Variants in MAL2 observed in about 807,000 individuals in gnomAD.
MAL2 encodes the protein protein MAL2.
MAL2 carries 17 observed loss-of-function variants against 18.1 expected under a neutral mutation model. The ratio of observed to expected loss-of-function variants is 0.94; its 90% CI spans 0.64 to 1.41. The LOEUF (loss-of-function observed/expected upper bound fraction) is 1.41, where lower values mean the gene tolerates loss of function less well. Ranked by LOEUF, MAL2 falls within the 40% of genes most tolerant of loss-of-function variation. The pLI, the probability that MAL2 is intolerant of heterozygous loss-of-function variation, is 0.00. For synonymous variants in MAL2, 102 were observed against 102.3 expected (o/e 1.00, Z 0.02); for missense variants, 222 against 231.9 (o/e 0.96, Z 0.28).
intron 2 of MAL2, among the ~76,000 whole-genome samples, chr8:119,233,670 T>A (rs1006977790): frequency 6.6e-6 from 1 of 152,086 alleles, no homozygotes; most frequent in African/African-American, 2.4e-5. Context: ...GCTCTGAAAT[T>A]GTGGCAATAA....
chr8:119,219,002 T>C (rs901917473), intron 1 of MAL2, among the ~76,000 whole-genome samples: 1 of 152,176 alleles, frequency 6.6e-6, no homozygotes, highest in African/African-American at 2.4e-5. Context: ...AAAGGAAAGA[T>C]TGATCCACTG....
At chr8:119,209,408 T>C (rs1237805725) in intron 1 of MAL2, among the ~76,000 whole-genome samples, 1 of 152,200 alleles carries the variant, frequency 6.6e-6, no homozygotes, top group Non-Finnish European at 1.5e-5. Flanking sequence ...GCAGCCTTTT[T>C]AGGTAGCACT....
rs954098572 is a variant in MAL2, at chr8:119,245,365, T to C, written c.*1877T>C. The C allele has an allele frequency of 2.0e-5, 3 of 152,588 alleles. No homozygotes were observed. Among genetic ancestry groups the C allele is most frequent in the East Asian group, 1.9e-4 (1 of 5,182 alleles). 9.5% of individuals were successfully genotyped at this position (152,588 alleles called of 1,614,324 possible). ...TTGTTTCCCAGGTATAGCAGGCTTA[T>C]GTTTGGTGGCATTAAATTGGTTTCT... On this transcript the variant is annotated 3_prime_UTR_variant, in exon 4 of 4. Coordinates refer to ENST00000614891, the MANE Select transcript of MAL2 (RefSeq NM_052886.3).
intron 3 of MAL2, among the ~76,000 whole-genome samples, chr8:119,241,461 AGT>A (rs1818046846): frequency 7.4e-6 from 1 of 136,014 alleles, no homozygotes; most frequent in South Asian, 2.3e-4. Flanking sequence ...TGAGCAGAGC[AGT>A]CTGAGCGACA....
chr8:119,243,291 A>G, intron 3 of MAL2, 126 bp from the exon 4 acceptor site: 2 of 567,224 alleles, frequency 3.5e-6, no homozygotes, highest in Non-Finnish European at 2.9e-6. Flanking sequence ...AATGTAAAAT[A>G]TTTTTGTAAG....
intron 2 of MAL2, among the ~76,000 whole-genome samples, chr8:119,224,515 A>G (rs868102762): frequency 6.6e-6 from 1 of 152,194 alleles, no homozygotes; most frequent in Non-Finnish European, 1.5e-5. Context: ...CCTATTATGG[A>G]CATCACTTAA....
intron 1 of MAL2, chr8:119,215,619 G>A (rs1209346572): frequency 2.0e-5 from 3 of 152,238 alleles, no homozygotes; most frequent in African/African-American, 7.2e-5. Flanking sequence ...CCTGGCCAGG[G>A]AAGTCTTTCT....
intron 2 of MAL2, among the ~76,000 whole-genome samples, chr8:119,230,432 G>A (rs1203232178): frequency 1.3e-5 from 2 of 151,326 alleles, no homozygotes; most frequent in African/African-American, 4.9e-5. Context: ...AGCAAAATTG[G>A]CAGGATTGGG....
chr8:119,234,476 C>T (rs1315587058), intron 2 of MAL2, among the ~76,000 whole-genome samples: 1 of 152,226 alleles, frequency 6.6e-6, no homozygotes. Context: ...GAAGGCCTGC[C>T]TGCCTCTGTA....
At chr8:119,219,832 GC>G in intron 1 of MAL2, among the ~76,000 whole-genome samples, 1 of 151,558 alleles carries the variant, frequency 6.6e-6, no homozygotes. Context: ...TAGGGAGGTT[GC>G]CCAGAGGAGG....
At position 119,208,757 on chromosome 8, in the gene MAL2, C is replaced by A; in HGVS notation, c.132+153C>A. On this transcript the variant is annotated intron_variant, in intron 1 of 3. Transcript: ENST00000614891. The surrounding 1 kb of genome is among the most constrained non-coding windows in gnomAD (Gnocchi z 4.3). ...GCTCCCTCCCGGGGTCCTCTCGGTG[C>A]CCCGCGCCGCCGCCCGGGCCCTCCC... 8.8e-7 allele frequency: 1 copy of A among 1,141,308 alleles called. No homozygotes were observed. The highest frequency in any genetic ancestry group is 1.1e-6 in the Non-Finnish European group (1 of 911,516). 70.7% of individuals were successfully genotyped at this position (1,141,308 alleles called of 1,614,324 possible).
intron 2 of MAL2, among the ~76,000 whole-genome samples, chr8:119,234,830 A>T (rs1216181510): frequency 1.3e-5 from 2 of 151,868 alleles, no homozygotes; most frequent in African/African-American, 2.4e-5. Context: ...ATCAAAGACC[A>T]AAAGTAGATA....
At chr8:119,236,654 A>G (rs1329273632) in intron 2 of MAL2, among the ~76,000 whole-genome samples, 1 of 151,572 alleles carries the variant, frequency 6.6e-6, no homozygotes, top group African/African-American at 2.4e-5. Context: ...AAAACCGCTC[A>G]ACTACATGGA....
At chr8:119,236,569 A>C (rs571812471) in intron 2 of MAL2, among the ~76,000 whole-genome samples, 1 of 151,736 alleles carries the variant, frequency 6.6e-6, no homozygotes, top group South Asian at 2.1e-4. Context: ...GCAAATGTAA[A>C]AGAACAGAAA....
In MAL2 at chr8:119,231,246, A is replaced by ATGGTC. The variant is rs1473052617; in HGVS notation, c.304-8917_304-8913dup. ...ACAGGGTTTCACTGTGTTAGCCAGG[A>ATGGTC]TGGTCTCTCTCTCCTGACCTCATGA... On this transcript the variant is annotated intron_variant, in intron 2 of 3. Transcript: ENST00000614891. Among the ~76,000 whole-genome samples the ATGGTC allele has an allele frequency of 4.6e-5, 7 of 152,206 alleles. No homozygotes were observed. In the East Asian group the frequency reaches 1.2e-3, roughly 25 times the overall value.
At chr8:119,234,178 G>T (rs191666772) in intron 2 of MAL2, among the ~76,000 whole-genome samples, 1 of 152,180 alleles carries the variant, frequency 6.6e-6, no homozygotes, top group African/African-American at 2.4e-5. Context: ...TTCCCTTTCC[G>T]AGTCAAAGAA....
At chr8:119,232,247 A>G (rs1413552202) in intron 2 of MAL2, among the ~76,000 whole-genome samples, 1 of 152,122 alleles carries the variant, frequency 6.6e-6, no homozygotes, top group East Asian at 1.9e-4. Flanking sequence ...TTTGAAAACT[A>G]AAGAAACTGG....
intron 2 of MAL2, among the ~76,000 whole-genome samples, chr8:119,228,136 C>T (rs930520430): frequency 6.6e-6 from 1 of 152,206 alleles, no homozygotes; most frequent in Non-Finnish European, 1.5e-5. Context: ...GCCATCCTGA[C>T]TTCCAGCAGC....
At chr8:119,240,116 A>C in intron 2 of MAL2, 49 bp from the exon 3 acceptor site, 1 of 1,571,162 alleles carries the variant, frequency 6.4e-7, no homozygotes. Context: ...AATAAGGAAC[A>C]GAAAAATATT....
Sources: allele counts gnomAD v4.1 joint callset (sites outside exome capture counted in the v4.1 genomes callset), GRCh38; gene constraint gnomAD v4.1.1; non-coding constraint Gnocchi (gnomAD v3.1); transcripts MANE v1.5; gene names NCBI Gene and HGNC (gene_info 2026-07-23, HGNC 2026-07-21).